The following NKAIN3 variants were observed in gnomAD, a reference collection of about 807,000 sequenced individuals.
NKAIN3 encodes the protein sodium/potassium-transporting ATPase subunit beta-1-interacting protein 3.
A neutral mutation model predicts 30.2 loss-of-function variants in NKAIN3; 25 were observed. That is an observed-to-expected ratio of 0.83 (90% CI 0.60 to 1.16). The LOEUF is 1.16. Ranked by LOEUF, NKAIN3 falls within the 50% of genes most tolerant of loss-of-function variation. The probability of loss-of-function intolerance (pLI) is 0.00; values close to 1 mark genes in which losing one functional copy is unlikely to be tolerated. For synonymous variants in NKAIN3, 91 were observed against 89.6 expected (o/e 1.02, Z -0.09); for missense variants, 225 against 254.1 (o/e 0.89, Z 0.78).
intron 4 of NKAIN3, among the ~76,000 whole-genome samples, chr8:62,786,770 G>A (rs1374840842): frequency 2.0e-5 from 3 of 152,168 alleles, no homozygotes; most frequent in Non-Finnish European, 4.4e-5. Flanking sequence ...TCTGTAACAT[G>A]CATGGTGTCA....
intron 1 of NKAIN3, among the ~76,000 whole-genome samples, chr8:62,257,939 T>G (rs1812311379): frequency 6.6e-6 from 1 of 152,192 alleles, no homozygotes; most frequent in East Asian, 1.9e-4. Flanking sequence ...CTTAGGAGAA[T>G]AATCTATATC....
intron 1 of NKAIN3, among the ~76,000 whole-genome samples, chr8:62,439,695 C>G (rs1418215574): frequency 6.6e-6 from 1 of 152,186 alleles, no homozygotes; most frequent in Non-Finnish European, 1.5e-5. Context: ...GGAACATTTA[C>G]AGACAGATGT....
intron 1 of NKAIN3, among the ~76,000 whole-genome samples, chr8:62,287,953 T>C (rs527893649): frequency 3.3e-5 from 5 of 152,324 alleles, no homozygotes; most frequent in African/African-American, 1.2e-4. Context: ...TAGCACTTCC[T>C]AGTTTCCACG....
At chr8:62,680,679 A>G (rs1006040634) in intron 3 of NKAIN3, among the ~76,000 whole-genome samples, 1 of 152,156 alleles carries the variant, frequency 6.6e-6, no homozygotes, top group Non-Finnish European at 1.5e-5. Flanking sequence ...CCTAAAATTC[A>G]GTAAAGAAAA....
intron 4 of NKAIN3, among the ~76,000 whole-genome samples, chr8:62,811,567 C>A (rs368875290): frequency 1.1e-3 from 160 of 152,010 alleles, no homozygotes; most frequent in Non-Finnish European, 1.9e-3. Context: ...TTTAACCATT[C>A]TCATAAGTAC....
chr8:62,908,408 G>T (rs137870815), intron 4 of NKAIN3, among the ~76,000 whole-genome samples: 1 of 152,292 alleles, frequency 6.6e-6, no homozygotes, highest in East Asian at 1.9e-4. Flanking sequence ...GGGAAGGCAT[G>T]ATTCATTTTG....
intron 3 of NKAIN3, among the ~76,000 whole-genome samples, chr8:62,674,159 C>G (rs143775079): frequency 6.6e-6 from 1 of 152,180 alleles, no homozygotes; most frequent in East Asian, 1.9e-4. Flanking sequence ...CAATCTGAAC[C>G]TCCTCCACCT....
chr8:62,405,516 G>A (rs1343196105), intron 1 of NKAIN3, among the ~76,000 whole-genome samples: 1 of 152,194 alleles, frequency 6.6e-6, no homozygotes, highest in East Asian at 1.9e-4. Context: ...AGTTCTGCCT[G>A]GTGTTACTTT....
At chr8:62,889,590 T>C (rs572116541) in intron 4 of NKAIN3, among the ~76,000 whole-genome samples, 7 of 152,306 alleles carry the variant, frequency 4.6e-5, no homozygotes, top group African/African-American at 1.2e-4. Flanking sequence ...TGGATAAGTA[T>C]GTTTTTAGTG....
chr8:62,788,315 T>G (rs982151034), intron 4 of NKAIN3, among the ~76,000 whole-genome samples: 1 of 152,244 alleles, frequency 6.6e-6, no homozygotes, highest in African/African-American at 2.4e-5. Flanking sequence ...TTCATGTGTT[T>G]TTTGGCTGCA....
At chr8:62,799,783 T>C (rs1448676393) in intron 4 of NKAIN3, among the ~76,000 whole-genome samples, 2 of 152,192 alleles carry the variant, frequency 1.3e-5, no homozygotes, top group African/African-American at 4.8e-5. Context: ...TGCAAAACTA[T>C]GGAATCAGCC....
chr8:62,608,478 C>T lies in NKAIN3; in HGVS notation c.273+18684C>T, dbSNP rs542867684. ...TAATTTTAAAACTTTATGTTGAAAA[C>T]TGGCACAGCTCTGAAGTGGCTCAGC... On this transcript the variant is annotated intron_variant, in intron 3 of 6. Coordinates refer to ENST00000623646, the MANE Select transcript of NKAIN3 (RefSeq NM_001304533.3). 2.0e-5 allele frequency among the ~76,000 whole-genome samples: 3 copies of T among 152,300 alleles called. No homozygotes were observed. The South Asian group carries it at 6.2e-4, about 32-fold the overall frequency.
intron 3 of NKAIN3, among the ~76,000 whole-genome samples, chr8:62,739,966 G>A (rs562025406): frequency 2.6e-5 from 4 of 152,176 alleles, no homozygotes; most frequent in East Asian, 3.9e-4. Flanking sequence ...TAATGAAAAC[G>A]TAAATACCTT....
chr8:62,345,518 T>C (rs796761118), intron 1 of NKAIN3, among the ~76,000 whole-genome samples: 10,556 of 105,962 alleles, frequency 0.1, 1,086 homozygotes, highest in Middle Eastern at 0.15. Context: ...TATATACACA[T>C]ATATGTATAT....
At chr8:62,760,102 C>T (rs929553176) in intron 4 of NKAIN3, among the ~76,000 whole-genome samples, 3 of 152,038 alleles carry the variant, frequency 2.0e-5, no homozygotes, top group Admixed American at 6.6e-5. Flanking sequence ...CTTAGAATGG[C>T]GATCATTAAA....
intron 1 of NKAIN3, among the ~76,000 whole-genome samples, chr8:62,338,414 A>G (rs62509165): frequency 0.17 from 26,481 of 151,974 alleles, 2,568 homozygotes; most frequent in East Asian, 0.42. Flanking sequence ...CAAATCTTCC[A>G]TTATGGAACT....
chr8:62,330,150 G>A (rs1307280432), intron 1 of NKAIN3, among the ~76,000 whole-genome samples: 3 of 152,040 alleles, frequency 2.0e-5, no homozygotes, highest in Admixed American at 6.6e-5. Flanking sequence ...CCAAGGTTGA[G>A]GTTAGGGAGA....
intron 1 of NKAIN3, among the ~76,000 whole-genome samples, chr8:62,381,366 C>T (rs993253188): frequency 2.6e-5 from 4 of 152,080 alleles, no homozygotes; most frequent in Non-Finnish European, 4.4e-5. Flanking sequence ...TAGCCTAAAT[C>T]GTTGATTATG....
chr8:62,889,142 G>T (rs1425106631), intron 4 of NKAIN3, among the ~76,000 whole-genome samples: 1 of 152,152 alleles, frequency 6.6e-6, no homozygotes, highest in Non-Finnish European at 1.5e-5. Context: ...TCTGAGGCGG[G>T]TGGATTACCT....
Sources: gnomAD v4.1 joint callset for allele counts (sites outside exome capture counted in the v4.1 genomes callset) on GRCh38, gnomAD v4.1.1 for gene constraint, MANE v1.5 for transcripts, NCBI Gene and HGNC (gene_info 2026-07-23, HGNC 2026-07-21) for gene names.